Variants in SLIT3 observed in about 807,000 individuals in gnomAD.
The protein encoded by SLIT3 is slit guidance ligand 3, also known as slit homolog 3 protein.
A neutral mutation model predicts 184.0 loss-of-function variants in SLIT3; 68 were observed. That is an observed-to-expected ratio of 0.37 (90% CI 0.30 to 0.45). The LOEUF (loss-of-function observed/expected upper bound fraction) is 0.45. Ranked by LOEUF, SLIT3 falls within the 20% of genes least tolerant of loss-of-function variation. SLIT3 has a pLI of 1.00. For missense variants in SLIT3, 1,707 were observed against 2,026.0 expected (o/e 0.84, Z 3.02); for synonymous variants, 831 against 828.6 (o/e 1.00, Z -0.05).
At chr5:169,003,545 TGTGAACACAGAC>T (rs1414297113) in intron 4 of SLIT3, among the ~76,000 whole-genome samples, 11 of 152,214 alleles carry the variant, frequency 7.2e-5, no homozygotes, top group East Asian at 5.8e-4. Context: ...TGAACACAGA[TGTGAACACAGAC>T]GTGAACACAG....
At chr5:168,890,561 G>A (rs1010385128) in intron 4 of SLIT3, among the ~76,000 whole-genome samples, 1 of 152,188 alleles carries the variant, frequency 6.6e-6, no homozygotes, top group Non-Finnish European at 1.5e-5. Context: ...TTTAAAGTGA[G>A]AATAGAATTG....
chr5:168,935,456 G>C (rs914060953), intron 4 of SLIT3, among the ~76,000 whole-genome samples: 1 of 152,180 alleles, frequency 6.6e-6, no homozygotes, highest in Non-Finnish European at 1.5e-5. Flanking sequence ...CAACCAGAGA[G>C]TACCTTCCTC....
chr5:169,044,503 G>T (rs1757557286), intron 4 of SLIT3, among the ~76,000 whole-genome samples: 2 of 146,348 alleles, frequency 1.4e-5, no homozygotes, highest in African/African-American at 5.0e-5. Flanking sequence ...CATACTGCAG[G>T]ATTCCATTTT....
chr5:168,704,051 G>T (rs924544681), intron 26 of SLIT3, among the ~76,000 whole-genome samples: 32 of 149,996 alleles, frequency 2.1e-4, no homozygotes, highest in African/African-American at 7.9e-4. Flanking sequence ...ACTTCTCAAA[G>T]CGTGCTCCTT....
intron 4 of SLIT3, among the ~76,000 whole-genome samples, chr5:169,129,967 G>A (rs1319678289): frequency 6.6e-6 from 1 of 152,104 alleles, no homozygotes; most frequent in Non-Finnish European, 1.5e-5. Context: ...TCCTGCCTCA[G>A]CCACCTGAGC....
intron 11 of SLIT3, among the ~76,000 whole-genome samples, chr5:168,788,087 C>T (rs539868639): frequency 9.1e-4 from 138 of 152,142 alleles, no homozygotes; most frequent in Admixed American, 1.5e-3. Flanking sequence ...CCTTTTCCTA[C>T]GAGACAGGAA....
intron 5 of SLIT3, among the ~76,000 whole-genome samples, chr5:168,872,590 C>CT (rs34444404): frequency 0.01 from 1,460 of 140,246 alleles, 18 homozygotes; most frequent in African/African-American, 0.033. Flanking sequence ...AAATTAAAGT[C>CT]TTTTTTTTTT....
intron 4 of SLIT3, chr5:169,012,223 A>G (rs988822676): frequency 4.6e-5 from 7 of 152,176 alleles, no homozygotes; most frequent in African/African-American, 1.4e-4. Flanking sequence ...CTGACCTGTG[A>G]TAACTGTGTG....
rs1409401524 is a variant in SLIT3 at position 168,666,104 on chromosome 5, T to TTTTG, written c.*346_*349dup. ...AGGCTATCATTCTTTATTCTTATCC[T>TTTTG]TTTGTTTTAAAGCATTTTTATTAGT... On this transcript the variant is annotated 3_prime_UTR_variant, in exon 36 of 36. Transcript: ENST00000519560. 2 of 169,126 alleles carry TTTTG rather than the reference T, an allele frequency of 1.2e-5. No individual in the cohort carries two copies. The highest frequency in any genetic ancestry group is 2.5e-5 in the Non-Finnish European group (2 of 80,106). 10.5% of individuals were successfully genotyped at this position (169,126 alleles called of 1,614,324 possible).
intron 10 of SLIT3, chr5:168,791,671 T>C (rs544865155): frequency 6.6e-6 from 1 of 152,374 alleles, no homozygotes; most frequent in East Asian, 1.9e-4. Context: ...CATTGTGGAA[T>C]AGCTAAGTCA....
intron 1 of SLIT3, among the ~76,000 whole-genome samples, chr5:169,299,915 A>G (rs1767629337): frequency 6.6e-6 from 1 of 152,128 alleles, no homozygotes; most frequent in African/African-American, 2.4e-5. Flanking sequence ...CGGGGCTGCA[A>G]CTTGGCATCT....
At chr5:168,963,577 C>T (rs1236558250) in intron 4 of SLIT3, among the ~76,000 whole-genome samples, 1 of 152,218 alleles carries the variant, frequency 6.6e-6, no homozygotes. Context: ...TTACTATCTG[C>T]TGTGTTACAG....
chr5:168,833,964 A>C, intron 6 of SLIT3, among the ~76,000 whole-genome samples: 1 of 152,232 alleles, frequency 6.6e-6, no homozygotes, highest in Admixed American at 6.5e-5. Context: ...AGATGTTAGA[A>C]GAAGTGGTCA....
At chr5:168,989,683 G>T (rs1755251288) in intron 4 of SLIT3, among the ~76,000 whole-genome samples, 2 of 152,190 alleles carry the variant, frequency 1.3e-5, no homozygotes, top group African/African-American at 4.8e-5. Flanking sequence ...ACCCAGGAAA[G>T]TAATTGGTAG....
At chr5:169,065,934 G>A (rs1157617698) in intron 4 of SLIT3, among the ~76,000 whole-genome samples, 1 of 152,150 alleles carries the variant, frequency 6.6e-6, no homozygotes, top group Non-Finnish European at 1.5e-5. Flanking sequence ...CTTGTGCCAG[G>A]TACTATGTTT....
chr5:168,798,052 T>C (rs1269812299), intron 9 of SLIT3, among the ~76,000 whole-genome samples: 1 of 152,108 alleles, frequency 6.6e-6, no homozygotes, highest in East Asian at 1.9e-4. Context: ...AGATGAAATA[T>C]AGATGTGAAT....
At chr5:169,101,292 G>A (rs1760003269) in intron 4 of SLIT3, among the ~76,000 whole-genome samples, 1 of 152,148 alleles carries the variant, frequency 6.6e-6, no homozygotes, top group South Asian at 2.1e-4. Flanking sequence ...CCCTTGAATG[G>A]TTCCTCTTCA....
chr5:168,907,953 TATATATATATATATATATATATATATAG>T (rs1425097579), intron 4 of SLIT3, among the ~76,000 whole-genome samples: 4 of 37,184 alleles, frequency 1.1e-4, no homozygotes, highest in South Asian at 2.5e-3. Context: ...TGTATATATA[TATATATATATATATATATATATATATAG>T]AGAGAGAGAG....
At chr5:169,062,690 C>T (rs1037327180) in intron 4 of SLIT3, among the ~76,000 whole-genome samples, 7 of 152,216 alleles carry the variant, frequency 4.6e-5, no homozygotes, top group Admixed American at 3.3e-4. Context: ...TATGGTCTCT[C>T]TCCTCAAAAC....
Sources: allele counts gnomAD v4.1 joint callset (sites outside exome capture counted in the v4.1 genomes callset), GRCh38; gene constraint gnomAD v4.1.1; transcripts MANE v1.5; gene names NCBI Gene and HGNC (gene_info 2026-07-23, HGNC 2026-07-21).